The following CEACAM3 variants were observed in gnomAD, a reference collection of about 807,000 sequenced individuals.
CEACAM3 encodes the protein CEA cell adhesion molecule 3, also known as cell adhesion molecule CEACAM3.
A neutral mutation model predicts 30.1 loss-of-function variants in CEACAM3; 32 were observed. That is an observed-to-expected ratio of 1.06 (90% confidence interval 0.80 to 1.43). The LOEUF (loss-of-function observed/expected upper bound fraction) is 1.43. Ranked by LOEUF, CEACAM3 falls within the 40% of genes most tolerant of loss-of-function variation. The pLI is 0.00. For synonymous variants in CEACAM3, 134 were observed against 127.2 expected (o/e 1.05, Z -0.36); for missense variants, 290 against 316.3 (o/e 0.92, Z 0.63).
intron 1 of CEACAM3, chr19:41,797,107 C>A: frequency 4.0e-6 from 1 of 250,450 alleles, no homozygotes; most frequent in Non-Finnish European, 7.7e-6. Flanking sequence ...AACTCATCCA[C>A]CAGTATTTGC....
In CEACAM3 at chr19:41,811,500, T is replaced by A. The variant is rs2073250507; in HGVS notation, c.*263T>A. Reference sequence around the variant, plus strand: ...CTTGCAGGGAAAGTGAATGGGCCTGTGGCCCACCTGGGGTCACTTGGAAAG... The same window carrying A: ...CTTGCAGGGAAAGTGAATGGGCCTGAGGCCCACCTGGGGTCACTTGGAAAG... On this transcript the variant is annotated 3_prime_UTR_variant, in exon 7 of 7. Transcript: ENST00000357396. 2 of 481,502 alleles carry A rather than the reference T, an allele frequency of 4.2e-6. No homozygotes were observed. The highest frequency in any genetic ancestry group is 3.8e-5 in the African/African-American group (2 of 52,524). 29.8% of individuals were successfully genotyped at this position (481,502 alleles called of 1,614,324 possible).
At chr19:41,805,810 C>A (rs1234252618) in intron 2 of CEACAM3, among the ~76,000 whole-genome samples, 1 of 152,210 alleles carries the variant, frequency 6.6e-6, no homozygotes, top group Non-Finnish European at 1.5e-5. Flanking sequence ...CCTCTTTCCA[C>A]CAGTCAGTTC....
chr19:41,805,289 T>C (rs10407643), intron 2 of CEACAM3, among the ~76,000 whole-genome samples: 48,727 of 119,024 alleles, frequency 0.41, 11,133 homozygotes, highest in Middle Eastern at 0.61. Flanking sequence ...TTTCTTCTTT[T>C]TTTTTTTTTT....
intron 2 of CEACAM3, among the ~76,000 whole-genome samples, chr19:41,801,898 G>T (rs529423435): frequency 6.6e-6 from 1 of 152,138 alleles, no homozygotes; most frequent in East Asian, 1.9e-4. Flanking sequence ...TGCTGATCTC[G>T]TAATGTTTCA....
In CEACAM3 at chr19:41,797,621, A is replaced by G. The variant is rs782116323; in HGVS notation, c.97A>G (p.Thr33Ala). The change falls in exon 2 of 7, where the codon ACT becomes GCT. Residue 33 changes from threonine to alanine, a missense_variant. Transcript: ENST00000357396. ...SLLNFWNPPT[T>A]AKLTIESMPL... ...TCTAAACTTCTGGAACCCGCCCACCACTGCCAAGCTCACTATTGAATCCAT... is the reference window on the plus strand; with the variant it reads ...TCTAAACTTCTGGAACCCGCCCACCGCTGCCAAGCTCACTATTGAATCCAT... The G allele has an allele frequency of 6.2e-7, 1 of 1,614,006 alleles. No individual in the cohort carries two copies. The highest frequency in any genetic ancestry group is 8.5e-7 in the Non-Finnish European group (1 of 1,179,954).
At chr19:41,809,788 T>G in intron 3 of CEACAM3, 177 bp from the exon 4 acceptor site, 1 of 665,476 alleles carries the variant, frequency 1.5e-6, no homozygotes, top group Non-Finnish European at 2.7e-6. Flanking sequence ...CAGATGTGGG[T>G]TCCTAAAGCC....
At chr19:41,796,960 C>A (rs2073107519) in intron 1 of CEACAM3, among the ~76,000 whole-genome samples, 1 of 152,228 alleles carries the variant, frequency 6.6e-6, no homozygotes, top group Admixed American at 6.5e-5. Context: ...CCAAGTTAAT[C>A]ATTACTGGCC....
At chr19:41,798,376 C>T (rs1244003821) in intron 2 of CEACAM3, among the ~76,000 whole-genome samples, 4 of 152,166 alleles carry the variant, frequency 2.6e-5, no homozygotes, top group African/African-American at 4.8e-5. Context: ...CTCCAGGTGA[C>T]CCTGGGGACC....
intron 4 of CEACAM3, 104 bp from the exon 5 acceptor site, chr19:41,810,219 C>A: frequency 6.9e-7 from 1 of 1,458,690 alleles, no homozygotes; most frequent in Non-Finnish European, 9.5e-7. Context: ...CCTCCCCAAC[C>A]TCAGCTGCTC....
intron 2 of CEACAM3, chr19:41,807,205 C>A (rs1555826898): frequency 6.2e-7 from 1 of 1,609,800 alleles, no homozygotes; most frequent in South Asian, 1.1e-5. Flanking sequence ...AGATTCACAG[C>A]ACAACCTGCC....
chr19:41,802,664 T>G (rs2073161077), intron 2 of CEACAM3, among the ~76,000 whole-genome samples: 1 of 152,170 alleles, frequency 6.6e-6, no homozygotes, highest in African/African-American at 2.4e-5. Flanking sequence ...TCATAGTGAA[T>G]AGGCAACAAA....
At chr19:41,806,627 ATCTG>A (rs1161167600) in intron 2 of CEACAM3, among the ~76,000 whole-genome samples, 2 of 152,162 alleles carry the variant, frequency 1.3e-5, no homozygotes, top group African/African-American at 4.8e-5. Context: ...ACGGTCATGC[ATCTG>A]TCTGTGACAC....
In CEACAM3 at chr19:41,796,618, C is replaced by G; in HGVS notation, c.-60C>G. The G allele has an allele frequency of 1.3e-6, 2 of 1,590,280 alleles. No individual in the cohort carries two copies. The highest frequency in any genetic ancestry group is 1.7e-6 in the Non-Finnish European group (2 of 1,158,562). The stretch of plus-strand genomic sequence containing the variant: ...GCCTAAGTCACAGTAGCCCTGACTA[C>G]AGCATTCCTGGAGCCCAGGCTCTTT... On this transcript the variant is annotated 5_prime_UTR_variant, in exon 1 of 7. Coordinates refer to ENST00000357396, the MANE Select transcript of CEACAM3 (RefSeq NM_001815.5).
intron 2 of CEACAM3, among the ~76,000 whole-genome samples, chr19:41,798,214 A>G (rs1772382385): frequency 6.6e-6 from 1 of 152,092 alleles, no homozygotes; most frequent in Non-Finnish European, 1.5e-5. Flanking sequence ...TCAGAAAAGA[A>G]CCCCATGGTC....
chr19:41,810,155 G>A (rs1416618966), intron 4 of CEACAM3, 138 bp downstream of exon 4: 3 of 1,275,048 alleles, frequency 2.4e-6, no homozygotes, highest in Middle Eastern at 1.9e-4. Context: ...CATCACACAG[G>A]GGACCCCAAT....
intron 6 of CEACAM3, 73 bp from the exon 7 acceptor site, chr19:41,811,099 C>T (rs2073246662): frequency 6.5e-7 from 1 of 1,541,622 alleles, no homozygotes; most frequent in South Asian, 1.1e-5. Flanking sequence ...CTGGATGGGC[C>T]CAGAGCCTGG....
intron 2 of CEACAM3, chr19:41,807,724 T>C: frequency 1.4e-6 from 1 of 717,304 alleles, no homozygotes; most frequent in Non-Finnish European, 1.9e-6. Flanking sequence ...GACCAGGAGC[T>C]TCCCCTTCCC....
chr19:41,807,451 C>G (rs1411138993), intron 2 of CEACAM3: 13 of 1,269,908 alleles, frequency 1.0e-5, no homozygotes, highest in Non-Finnish European at 1.2e-5. Flanking sequence ...AGAGGCCAGG[C>G]CTCTCAGTCC....
chr19:41,804,348 G>A (rs562721474), intron 2 of CEACAM3, among the ~76,000 whole-genome samples: 21 of 152,154 alleles, frequency 1.4e-4, no homozygotes, highest in Middle Eastern at 3.4e-3. Flanking sequence ...ACCAGCCACC[G>A]GCATCTCACT....
Sources: gnomAD v4.1 joint callset for allele counts (sites outside exome capture counted in the v4.1 genomes callset) on GRCh38, gnomAD v4.1.1 for gene constraint, MANE v1.5 for transcripts, NCBI Gene and HGNC (gene_info 2026-07-23, HGNC 2026-07-21) for gene names.